KHDRBS2: variants seen among roughly 807,000 people sequenced by gnomAD.
The protein encoded by KHDRBS2 is KH RNA binding domain containing, signal transduction associated 2.
In KHDRBS2, 26 loss-of-function variants were observed where a neutral mutation model predicts 44.3. That is an observed-to-expected ratio of 0.59 (90% CI 0.43 to 0.81). The LOEUF (loss-of-function observed/expected upper bound fraction) is 0.81. KHDRBS2 is among the 40% of genes least tolerant of loss of function. The pLI, the probability that KHDRBS2 is intolerant of heterozygous loss-of-function variation, is 0.00. For synonymous variants in KHDRBS2, 194 were observed against 151.1 expected, an observed-to-expected ratio of 1.28 and a Z score of -2.08; for missense variants, 476 against 433.1, an observed-to-expected ratio of 1.10 and a Z score of -0.88.
chr6:61,706,197 G>A (rs746451741), intron 7 of KHDRBS2, among the ~76,000 whole-genome samples: 5 of 151,768 alleles, frequency 3.3e-5, no homozygotes, highest in South Asian at 2.1e-4. Context: ...CTTTCACTAC[G>A]CTTTCTACTT....
intron 6 of KHDRBS2, among the ~76,000 whole-genome samples, chr6:61,746,527 G>A (rs547298463): frequency 8.5e-5 from 13 of 152,114 alleles, no homozygotes; most frequent in East Asian, 7.7e-4. Flanking sequence ...TGGTGTATAC[G>A]TGTCATATTT....
the KHDRBS2 span, among the ~76,000 whole-genome samples, chr6:61,584,540 C>T: frequency 3.9e-5 from 6 of 151,910 alleles, no homozygotes; most frequent in East Asian, 9.6e-4. Context: ...GAATAAACCC[C>T]ATTTAGTAAA....
At chr6:62,015,715 T>C (rs1781093106) in intron 3 of KHDRBS2, among the ~76,000 whole-genome samples, 1 of 152,164 alleles carries the variant, frequency 6.6e-6, no homozygotes, top group South Asian at 2.1e-4. Flanking sequence ...TCCATATAGA[T>C]ATAAAATGTT....
At chr6:62,037,624 G>A (rs1163634447) in intron 3 of KHDRBS2, among the ~76,000 whole-genome samples, 1 of 151,958 alleles carries the variant, frequency 6.6e-6, no homozygotes, top group African/African-American at 2.4e-5. Context: ...GCTTAGAAAT[G>A]TAAACATCAC....
intron 1 of KHDRBS2, among the ~76,000 whole-genome samples, chr6:62,221,906 C>T (rs1830964739): frequency 6.6e-6 from 1 of 152,008 alleles, no homozygotes; most frequent in African/African-American, 2.4e-5. Flanking sequence ...CTAATTTTTA[C>T]AAATTTTAGT....
At chr6:61,960,777 G>T (rs1768506477) in intron 4 of KHDRBS2, among the ~76,000 whole-genome samples, 2 of 152,126 alleles carry the variant, frequency 1.3e-5, no homozygotes. Context: ...GTACATTTGA[G>T]AACAAATTTT....
intron 1 of KHDRBS2, among the ~76,000 whole-genome samples, chr6:62,186,795 T>A (rs1823524410): frequency 6.6e-6 from 1 of 152,076 alleles, no homozygotes; most frequent in Non-Finnish European, 1.5e-5. Context: ...AGACACAAAT[T>A]CTTAAATTTT....
chr6:62,066,454 T>C (rs1455312638), intron 2 of KHDRBS2, among the ~76,000 whole-genome samples: 5 of 151,698 alleles, frequency 3.3e-5, no homozygotes, highest in African/African-American at 9.7e-5. Context: ...AATTTTGACT[T>C]TCTTTAAATG....
chr6:61,929,949 C>T (rs1299096257), intron 4 of KHDRBS2, among the ~76,000 whole-genome samples: 1 of 151,966 alleles, frequency 6.6e-6, no homozygotes, highest in African/African-American at 2.4e-5. Flanking sequence ...ATGTGCCTGC[C>T]AAAATTCATA....
the KHDRBS2 span, among the ~76,000 whole-genome samples, chr6:61,627,127 C>T: frequency 6.6e-6 from 1 of 151,010 alleles, no homozygotes; most frequent in Non-Finnish European, 1.5e-5. Context: ...GTAGCGGGCG[C>T]CTGTAGTCCC....
At chr6:61,555,580 C>T in the KHDRBS2 span, among the ~76,000 whole-genome samples, 2 of 152,218 alleles carry the variant, frequency 1.3e-5, no homozygotes, top group Non-Finnish European at 2.9e-5. Context: ...TAAGGAGACA[C>T]TCTTGCCTTT....
intron 7 of KHDRBS2, among the ~76,000 whole-genome samples, chr6:61,728,619 T>C (rs1773954917): frequency 6.6e-6 from 1 of 152,148 alleles, no homozygotes; most frequent in Non-Finnish European, 1.5e-5. Flanking sequence ...TTGTAGACAT[T>C]CATTTATTAA....
At chr6:61,904,414 A>G (rs1476666602) in intron 4 of KHDRBS2, among the ~76,000 whole-genome samples, 1 of 152,198 alleles carries the variant, frequency 6.6e-6, no homozygotes, top group Non-Finnish European at 1.5e-5. Flanking sequence ...AATATAATGT[A>G]ACCAAATTTC....
intron 8 of KHDRBS2, among the ~76,000 whole-genome samples, chr6:61,685,154 A>G (rs1766687993): frequency 6.6e-6 from 1 of 151,806 alleles, no homozygotes; most frequent in Admixed American, 6.6e-5. Context: ...TTGAACTTGC[A>G]TTGAACTCTA....
chr6:61,971,033 T>G (rs1234929483), intron 4 of KHDRBS2, among the ~76,000 whole-genome samples: 1 of 152,128 alleles, frequency 6.6e-6, no homozygotes, highest in Admixed American at 6.6e-5. Context: ...ACTATGTTAT[T>G]TGTTCAAGCT....
intron 1 of KHDRBS2, among the ~76,000 whole-genome samples, chr6:62,189,092 G>A (rs6912667): frequency 0.55 from 83,362 of 151,530 alleles, 23,703 homozygotes; most frequent in Non-Finnish European, 0.62. Flanking sequence ...CCTCCAGCCT[G>A]AGCGACAGAG....
At chr6:61,954,354 T>TATGCATACATATATACGTATGC (rs1765487275) in intron 4 of KHDRBS2, among the ~76,000 whole-genome samples, 1 of 86,514 alleles carries the variant, frequency 1.2e-5, no homozygotes, top group African/African-American at 3.9e-5. Flanking sequence ...TATACATATG[T>TATGCATACATATATACGTATGC]ATGCATACAT....
rs1255320017 is a variant in KHDRBS2, at chr6:62,044,780, C to T, written c.336+3098G>A. ...CAGTTGCATGTTGAACTTCTTAATA[C>T]TTGCTGATCTAAATTTTAAACATGG... On this transcript the variant is annotated intron_variant, in intron 3 of 8. Transcript: ENST00000281156. Among the ~76,000 whole-genome samples the T allele has an allele frequency of 2.0e-5, 3 of 152,022 alleles. No individual in the cohort carries two copies. In the East Asian group the frequency reaches 5.8e-4, roughly 30 times the overall value.
At chr6:61,698,799 G>A (rs1300791013) in intron 7 of KHDRBS2, among the ~76,000 whole-genome samples, 2 of 151,754 alleles carry the variant, frequency 1.3e-5, no homozygotes, top group Non-Finnish European at 2.9e-5. Context: ...CTGCCTCAGG[G>A]CTTTTTCATT....
Sources: gnomAD v4.1 joint callset for allele counts (sites outside exome capture counted in the v4.1 genomes callset) on GRCh38, gnomAD v4.1.1 for gene constraint, MANE v1.5 for transcripts, NCBI Gene and HGNC (gene_info 2026-07-23, HGNC 2026-07-21) for gene names.